The following CCSER1 variants were observed in gnomAD, a reference collection of about 807,000 sequenced individuals.
The protein encoded by CCSER1 is serine-rich coiled-coil domain-containing protein 1.
In CCSER1, 41 loss-of-function variants were observed where a neutral mutation model predicts 82.0. The ratio of observed to expected loss-of-function variants is 0.50; its 90% confidence interval spans 0.39 to 0.65. The LOEUF is 0.65. CCSER1 is among the 30% of genes least tolerant of loss of function. CCSER1 has a pLI of 0.00. For synonymous variants in CCSER1, 414 were observed against 383.9 expected, an observed-to-expected ratio of 1.08 and a Z score of -0.92; for missense variants, 1,119 against 1,064.2, an observed-to-expected ratio of 1.05 and a Z score of -0.72.
rs1406978946 is a variant in CCSER1, at chr4:90,271,868, T to A, written c.-41-36376T>A. ...TATATATATATATATATATATTTTT[T>A]TTTTTTTTTTTTTTTTTTTTTTAAA... On this transcript the variant is annotated intron_variant, in intron 1 of 10. Coordinates refer to ENST00000509176, the MANE Select transcript of CCSER1 (RefSeq NM_001145065.2). 6.2e-3 allele frequency among the ~76,000 whole-genome samples: 389 copies of A among 62,710 alleles called. 5 individuals carry two copies. The highest frequency in any genetic ancestry group is 0.018 in the African/African-American group (198 of 11,104). 41.1% of individuals were successfully genotyped at this position (62,710 alleles called of 152,430 possible). A position where few individuals can be genotyped will look rare whatever the true frequency, so the allele number is the denominator to read the frequency against.
At chr4:91,152,152 G>T (rs372558652) in intron 10 of CCSER1, among the ~76,000 whole-genome samples, 41 of 152,234 alleles carry the variant, frequency 2.7e-4, no homozygotes, top group African/African-American at 9.6e-4. Context: ...ATGAATCTGG[G>T]TGCTCCTGTA....
chr4:91,139,221 C>CT (rs966554563), intron 10 of CCSER1, among the ~76,000 whole-genome samples: 8 of 151,982 alleles, frequency 5.3e-5, no homozygotes, highest in African/African-American at 1.9e-4. Flanking sequence ...TGTTTTCATT[C>CT]TTTTTTATGG....
At chr4:90,565,256 C>T (rs1182350855) in intron 5 of CCSER1, among the ~76,000 whole-genome samples, 1 of 149,146 alleles carries the variant, frequency 6.7e-6, no homozygotes, top group Non-Finnish European at 1.5e-5. Context: ...AATTTTACTC[C>T]TGAGTATTTT....
chr4:90,991,849 C>A (rs1392267942), intron 9 of CCSER1, among the ~76,000 whole-genome samples: 1 of 152,032 alleles, frequency 6.6e-6, no homozygotes, highest in Non-Finnish European at 1.5e-5. Context: ...ATAGTTTATA[C>A]TGATTGTTAT....
chr4:90,280,404 C>T (rs566421657), intron 1 of CCSER1, among the ~76,000 whole-genome samples: 46 of 150,412 alleles, frequency 3.1e-4, no homozygotes, highest in Admixed American at 2.1e-3. Context: ...CTGTTTTTTT[C>T]TTCTTCTTCT....
At chr4:90,208,584 G>A (rs1267240634) in intron 1 of CCSER1, among the ~76,000 whole-genome samples, 4 of 152,006 alleles carry the variant, frequency 2.6e-5, no homozygotes, top group South Asian at 4.1e-4. Flanking sequence ...CTCAATGTCT[G>A]CCCAAACGGC....
At chr4:91,348,147 A>G (rs1553926507) in intron 10 of CCSER1, among the ~76,000 whole-genome samples, 1 of 152,078 alleles carries the variant, frequency 6.6e-6, no homozygotes, top group Non-Finnish European at 1.5e-5. Context: ...GAAAGTTCCT[A>G]TTTAATCTTA....
chr4:90,846,227 T>C (rs972144216), intron 8 of CCSER1, among the ~76,000 whole-genome samples: 10 of 152,200 alleles, frequency 6.6e-5, no homozygotes, highest in African/African-American at 2.4e-4. Context: ...GAGATATGTG[T>C]GTTTATGTAT....
chr4:90,144,208 C>T (rs754686821), intron 1 of CCSER1, among the ~76,000 whole-genome samples: 18 of 152,128 alleles, frequency 1.2e-4, no homozygotes, highest in African/African-American at 2.9e-4. Flanking sequence ...GAATGTGCTC[C>T]CATACCTTGC....
At chr4:90,919,547 A>G (rs1327517653) in intron 8 of CCSER1, among the ~76,000 whole-genome samples, 2 of 151,926 alleles carry the variant, frequency 1.3e-5, no homozygotes, top group South Asian at 4.1e-4. Context: ...AGTAATAATT[A>G]AAGTGGTAAT....
At chr4:90,280,766 C>A (rs1436221287) in intron 1 of CCSER1, among the ~76,000 whole-genome samples, 2 of 144,576 alleles carry the variant, frequency 1.4e-5, no homozygotes, top group African/African-American at 2.7e-5. Flanking sequence ...CCAGAATGTG[C>A]TGACACTTGA....
chr4:91,156,853 C>A (rs1411056633), intron 10 of CCSER1, among the ~76,000 whole-genome samples: 2 of 151,796 alleles, frequency 1.3e-5, no homozygotes, highest in Non-Finnish European at 2.9e-5. Flanking sequence ...GTTATTATTC[C>A]TTTTCCTGCA....
At chr4:90,722,893 C>T (rs139925152) in intron 6 of CCSER1, among the ~76,000 whole-genome samples, 2 of 151,950 alleles carry the variant, frequency 1.3e-5, no homozygotes, top group Non-Finnish European at 2.9e-5. Context: ...GAATAAGTAG[C>T]GGTTGTAGCA....
intron 10 of CCSER1, among the ~76,000 whole-genome samples, chr4:91,544,244 C>T (rs750304979): frequency 3.9e-5 from 6 of 152,048 alleles, no homozygotes; most frequent in South Asian, 2.1e-4. Context: ...GCAATGGGTC[C>T]GAACATCCTC....
chr4:90,721,963 A>G (rs1262258533), intron 6 of CCSER1, among the ~76,000 whole-genome samples: 1 of 151,696 alleles, frequency 6.6e-6, no homozygotes, highest in Non-Finnish European at 1.5e-5. Flanking sequence ...TAGCTAGAAC[A>G]CAATTTTCTC....
intron 1 of CCSER1, among the ~76,000 whole-genome samples, chr4:90,241,849 G>A (rs760802288): frequency 9.9e-5 from 15 of 152,108 alleles, no homozygotes; most frequent in Non-Finnish European, 1.5e-4. Context: ...AAACTATTAT[G>A]ATTCATATCT....
chr4:90,999,778 TTTC>T (rs999955538), intron 9 of CCSER1, among the ~76,000 whole-genome samples: 1 of 151,850 alleles, frequency 6.6e-6, no homozygotes, highest in Non-Finnish European at 1.5e-5. Context: ...CAATTGTTTT[TTTC>T]TTATTTGTTT....
intron 10 of CCSER1, among the ~76,000 whole-genome samples, chr4:91,509,740 T>C (rs967314735): frequency 6.6e-6 from 1 of 152,172 alleles, no homozygotes; most frequent in East Asian, 1.9e-4. Flanking sequence ...AACATAATCA[T>C]TCCAGCTTTT....
At chr4:91,464,373 C>A (rs1159304035) in intron 10 of CCSER1, among the ~76,000 whole-genome samples, 1 of 152,138 alleles carries the variant, frequency 6.6e-6, no homozygotes, top group Non-Finnish European at 1.5e-5. Flanking sequence ...TGCAAAGGAA[C>A]AACCGGTACC....
Sources: allele counts gnomAD v4.1 joint callset (sites outside exome capture counted in the v4.1 genomes callset), GRCh38; gene constraint gnomAD v4.1.1; transcripts MANE v1.5; gene names NCBI Gene and HGNC (gene_info 2026-07-23, HGNC 2026-07-21).